ATP6V1C2: variants seen among roughly 807,000 people sequenced by gnomAD.
The protein encoded by ATP6V1C2 is ATPase H+ transporting V1 subunit C2.
In ATP6V1C2, 45 loss-of-function variants were observed where a neutral mutation model predicts 56.8. The ratio of observed to expected loss-of-function variants is 0.79; its 90% CI spans 0.62 to 1.02. ATP6V1C2 has a LOEUF of 1.02. Ranked by LOEUF, ATP6V1C2 falls within the 50% of genes least tolerant of loss-of-function variation. ATP6V1C2 has a pLI of 0.00. For synonymous variants in ATP6V1C2, 220 were observed against 201.3 expected, an observed-to-expected ratio of 1.09 and a Z score of -0.79; for missense variants, 463 against 519.7, an observed-to-expected ratio of 0.89 and a Z score of 1.06.
chr2:10,755,687 G>A (rs1663511784), intron 4 of ATP6V1C2, among the ~76,000 whole-genome samples: 1 of 152,170 alleles, frequency 6.6e-6, no homozygotes, highest in African/African-American at 2.4e-5. Context: ...CCCCACCTGG[G>A]CAATTCTGCC....
In ATP6V1C2 at chr2:10,754,573, TTTTC is replaced by T. The variant is rs1400090174; in HGVS notation, c.283+511_283+514del. On this transcript the variant is annotated intron_variant, in intron 4 of 13. Transcript: ENST00000272238. ...TTTTCTTTTCTTTTCTTTTCTTTTCTTTTCTTTTCTTTTTTTTTGAGATGGAGTC... is the reference window on the plus strand; with the variant it reads ...TTTTCTTTTCTTTTCTTTTCTTTTCTTTTTCTTTTTTTTTGAGATGGAGTC... Among the ~76,000 whole-genome samples, 166 of 113,920 alleles carry T rather than the reference TTTTC, an allele frequency of 1.5e-3. 2 individuals carry two copies. The highest frequency in any genetic ancestry group is 0.011 in the Middle Eastern group (2 of 178). 74.7% of individuals were successfully genotyped at this position (113,920 alleles called of 152,430 possible). A position where few individuals can be genotyped will look rare whatever the true frequency, so the allele number is the denominator to read the frequency against.
chr2:10,726,977 T>A (rs1003914650), intron 3 of ATP6V1C2, among the ~76,000 whole-genome samples: 1 of 152,120 alleles, frequency 6.6e-6, no homozygotes, highest in African/African-American at 2.4e-5. Context: ...CTCCACAGGT[T>A]AAGTCAGGAG....
rs201847116 is a variant in ATP6V1C2 at position 10,745,358 on chromosome 2, GT to G, written c.198-8612del. 2.4e-3 allele frequency among the ~76,000 whole-genome samples: 321 copies of G among 132,904 alleles called. 1 individual carries two copies. Among genetic ancestry groups the G allele is most frequent in the African/African-American group, 7.9e-3 (285 of 35,886 alleles). The allele number at this position is 132,904 out of a possible 152,430, so 87.2% of individuals were successfully genotyped here. On this transcript the variant is annotated intron_variant, in intron 3 of 13. Transcript: ENST00000272238. ...CAGCCTATTTGTTACCTTTTTAACC[GT>G]TTTTTTTTTTCTTTAGACAGAGTCT...
At chr2:10,729,127 C>CAA (rs569247167) in intron 3 of ATP6V1C2, among the ~76,000 whole-genome samples, 9 of 132,896 alleles carry the variant, frequency 6.8e-5, no homozygotes, top group African/African-American at 2.6e-4. Flanking sequence ...GACTTTGTCT[C>CAA]AAAAAAAAAA....
At position 10,722,855 on chromosome 2, in the gene ATP6V1C2, G is replaced by C; in HGVS notation, c.6G>C (p.Ser2=). 6.2e-7 allele frequency: 1 copy of C among 1,614,022 alleles called. No individual in the cohort carries two copies. The highest frequency in any genetic ancestry group is 8.5e-7 in the Non-Finnish European group (1 of 1,179,994). ...GGTAAGAGAAGACTGGAAGCATGTC[G>C]GAGTTTTGGTTAATTTCTGCCCCTG... M[S]EFWLISAPGD... Residue 2 remains serine, a synonymous_variant, in exon 2 of 14, where the codon TCG becomes TCC. Coordinates refer to ENST00000272238, the MANE Select transcript of ATP6V1C2 (RefSeq NM_001039362.2).
chr2:10,739,936 C>T (rs1329668283), intron 3 of ATP6V1C2, among the ~76,000 whole-genome samples: 1 of 150,856 alleles, frequency 6.6e-6, no homozygotes, highest in Non-Finnish European at 1.5e-5. Context: ...CTCGTCTCTA[C>T]TAAAAATACA....
intron 1 of ATP6V1C2, among the ~76,000 whole-genome samples, chr2:10,721,972 G>A (rs568904876): frequency 3.3e-5 from 5 of 152,354 alleles, no homozygotes; most frequent in East Asian, 1.9e-4. Flanking sequence ...GGGGTTAGGA[G>A]AGAACAAAAT....
At position 10,756,501 on chromosome 2, in the gene ATP6V1C2, C is replaced by T. The variant is rs535406879; in HGVS notation, c.283+2435C>T. ...TTGGGAGGCTGAGGCAGATGGATCA[C>T]GAAGTCAGGAGTTCAAGACCAGCCT... On this transcript the variant is annotated intron_variant, in intron 4 of 13. Transcript: ENST00000272238. Among the ~76,000 whole-genome samples the T allele has an allele frequency of 9.2e-5, 14 of 151,954 alleles. No homozygotes were observed. The East Asian group carries it at 2.5e-3, about 28-fold the overall frequency.
chr2:10,785,083 G>T lies in ATP6V1C2; in HGVS notation c.*1820G>T. ...CACACATTTACAATGGACTGCTGGT[G>T]CAGAAGAATAAACAACTTTAAAAAT... is the stretch of plus-strand genomic sequence containing the variant. On this transcript the variant is annotated 3_prime_UTR_variant, in exon 14 of 14. Transcript: ENST00000272238. 1 of 1,218,648 alleles carries T rather than the reference G, an allele frequency of 8.2e-7. No homozygotes were observed. Among genetic ancestry groups the T allele is most frequent in the Non-Finnish European group, 1.2e-6 (1 of 844,460 alleles). The allele number at this position is 1,218,648 out of a possible 1,614,324, so 75.5% of individuals were successfully genotyped here.
In ATP6V1C2 at chr2:10,784,862, G is replaced by A. The variant is rs1480054122; in HGVS notation, c.*1599G>A. On this transcript the variant is annotated 3_prime_UTR_variant, in exon 14 of 14. Transcript: ENST00000272238. ...TCTGATGGGAAGGACTTGACTCCAG[G>A]TGCAGAGATGCACAGGCTCAAGAGA... 1 of 1,134,080 alleles carries A rather than the reference G, an allele frequency of 8.8e-7. No individual in the cohort carries two copies. Among genetic ancestry groups the A allele is most frequent in the African/African-American group, 1.5e-5 (1 of 65,066 alleles). The allele number at this position is 1,134,080 out of a possible 1,614,324, so 70.3% of individuals were successfully genotyped here.
chr2:10,763,405 C>T lies in ATP6V1C2; in HGVS notation c.284-926C>T, dbSNP rs543196078. ...TTATCACTGGGCCCCCAGCTCTCTG[C>T]GGTGTGTCTGCCTAGGGGTCTCCCT... On this transcript the variant is annotated intron_variant, in intron 4 of 13. Coordinates refer to ENST00000272238, the MANE Select transcript of ATP6V1C2 (RefSeq NM_001039362.2). This position sits in a 1 kb window ranked among gnomAD's most constrained non-coding sequence, Gnocchi z 4.2. 3.8e-4 allele frequency among the ~76,000 whole-genome samples: 58 copies of T among 152,266 alleles called. No individual in the cohort carries two copies. Among genetic ancestry groups the T allele is most frequent in the Middle Eastern group, 3.4e-3 (1 of 294 alleles).
At chr2:10,743,217 T>C (rs1177624875) in intron 3 of ATP6V1C2, among the ~76,000 whole-genome samples, 1 of 152,018 alleles carries the variant, frequency 6.6e-6, no homozygotes, top group Non-Finnish European at 1.5e-5. Context: ...CCCTCCTGAG[T>C]TGCTGGGACT....
chr2:10,744,088 A>G (rs1227281379), intron 3 of ATP6V1C2: 1 of 152,128 alleles, frequency 6.6e-6, no homozygotes, highest in Non-Finnish European at 1.5e-5. Flanking sequence ...AGGCTAAGGT[A>G]GGAAGGTCCC....
At chr2:10,735,742 A>C (rs78779847) in intron 3 of ATP6V1C2, among the ~76,000 whole-genome samples, 2 of 120,350 alleles carry the variant, frequency 1.7e-5, no homozygotes, top group Non-Finnish European at 1.6e-5. Context: ...ATGCCTGGCT[A>C]ATTTTTTTTT....
chr2:10,731,560 T>C (rs918463833), intron 3 of ATP6V1C2, among the ~76,000 whole-genome samples: 1 of 152,218 alleles, frequency 6.6e-6, no homozygotes, highest in South Asian at 2.1e-4. Context: ...AAGAAAGGCC[T>C]GTAACAGATG....
chr2:10,757,459 A>T (rs1663623269), intron 4 of ATP6V1C2: 1 of 398,516 alleles, frequency 2.5e-6, no homozygotes, highest in African/African-American at 2.1e-5. Flanking sequence ...TTTAAAGAGT[A>T]GGTTATGCAT....
At chr2:10,769,379 G>A (rs183741166) in intron 6 of ATP6V1C2, among the ~76,000 whole-genome samples, 5 of 152,312 alleles carry the variant, frequency 3.3e-5, no homozygotes, top group African/African-American at 1.2e-4. Context: ...CTTGTGAGGT[G>A]TAGTGAGTGT....
intron 8 of ATP6V1C2, 90 bp downstream of exon 8, chr2:10,772,700 G>A: frequency 8.6e-7 from 1 of 1,165,206 alleles, no homozygotes; most frequent in Middle Eastern, 1.9e-4. Context: ...CCCCGAGGGT[G>A]TGAGGCTCCC....
chr2:10,749,681 T>G (rs1048753808), intron 3 of ATP6V1C2, among the ~76,000 whole-genome samples: 17 of 152,376 alleles, frequency 1.1e-4, no homozygotes, highest in African/African-American at 3.1e-4. Flanking sequence ...ATTCCAGAAG[T>G]TGCTTCCTTA....
Sources: allele counts gnomAD v4.1 joint callset (sites outside exome capture counted in the v4.1 genomes callset), GRCh38; gene constraint gnomAD v4.1.1; non-coding constraint Gnocchi (gnomAD v3.1); transcripts MANE v1.5; gene names NCBI Gene and HGNC (gene_info 2026-07-23, HGNC 2026-07-21).